Variants in DGLUCY observed in about 807,000 individuals in gnomAD.
The protein encoded by DGLUCY is D-glutamate cyclase, also known as D-glutamate cyclase, mitochondrial.
A neutral mutation model predicts 58.5 loss-of-function variants in DGLUCY; 58 were observed. The observed-to-expected ratio is 0.99, with a 90% CI of 0.80 to 1.23. The LOEUF (loss-of-function observed/expected upper bound fraction) is 1.23, where lower values mean the gene tolerates loss of function less well. Ranked by LOEUF, DGLUCY falls within the 50% of genes most tolerant of loss-of-function variation. The pLI, the probability that DGLUCY is intolerant of heterozygous loss-of-function variation, is 0.00. For missense variants in DGLUCY, 779 were observed against 784.7 expected (o/e 0.99, Z 0.09); for synonymous variants, 325 against 314.1 (o/e 1.03, Z -0.37).
chr14:91,119,734 G>A (rs1265170310), intron 1 of DGLUCY, among the ~76,000 whole-genome samples: 3 of 152,144 alleles, frequency 2.0e-5, no homozygotes, highest in African/African-American at 7.2e-5. Flanking sequence ...TTGAGTCAGT[G>A]AACTGGGAGA....
chr14:91,193,236 A>ACG (rs1412942305), intron 9 of DGLUCY, among the ~76,000 whole-genome samples: 1 of 152,168 alleles, frequency 6.6e-6, no homozygotes. Flanking sequence ...AGGGCTGCCG[A>ACG]CGGCGTAGAG....
intron 1 of DGLUCY, among the ~76,000 whole-genome samples, chr14:91,127,676 G>T (rs1031913509): frequency 1.3e-5 from 2 of 152,216 alleles, no homozygotes; most frequent in East Asian, 1.9e-4. Context: ...ACACTGTGTC[G>T]TCCTTCTCCC....
chr14:91,104,990 T>C (rs186634685), upstream of DGLUCY, among the ~76,000 whole-genome samples: 4 of 152,214 alleles, frequency 2.6e-5, no homozygotes, highest in Non-Finnish European at 5.9e-5. Flanking sequence ...ATATTAGCTG[T>C]TATTTTTATT....
chr14:91,223,952 G>A (rs1887864091), intron 13 of DGLUCY, among the ~76,000 whole-genome samples: 1 of 152,174 alleles, frequency 6.6e-6, no homozygotes, highest in South Asian at 2.1e-4. Context: ...AAACCACTCT[G>A]CCTGCTAGGC....
At chr14:91,132,029 G>A (rs985014793) in intron 1 of DGLUCY, among the ~76,000 whole-genome samples, 1 of 152,164 alleles carries the variant, frequency 6.6e-6, no homozygotes, top group Admixed American at 6.6e-5. Context: ...CTGACCTCAG[G>A]TGATCTGCCC....
intron 12 of DGLUCY, among the ~76,000 whole-genome samples, chr14:91,209,306 A>C (rs558866467): frequency 8.5e-4 from 130 of 152,294 alleles, no homozygotes; most frequent in African/African-American, 2.9e-3. Context: ...AAAACAAAAA[A>C]ATGGAATAAA....
intron 1 of DGLUCY, among the ~76,000 whole-genome samples, chr14:91,066,283 C>T (rs1164569302): frequency 1.3e-5 from 2 of 148,970 alleles, no homozygotes; most frequent in Non-Finnish European, 3.0e-5. Flanking sequence ...GAGGCTGAGG[C>T]AGGAGAATCA....
chr14:91,137,572 A>AT (rs2046415617), intron 1 of DGLUCY, among the ~76,000 whole-genome samples: 4 of 113,872 alleles, frequency 3.5e-5, no homozygotes, highest in Middle Eastern at 5.2e-3. Flanking sequence ...TTTTTTTTGT[A>AT]TTTTAGTACA....
In DGLUCY at chr14:91,157,485, A is replaced by G. The variant is rs985354526; in HGVS notation, c.-81-154A>G. 2.0e-5 allele frequency among the ~76,000 whole-genome samples: 3 copies of G among 152,210 alleles called. No individual in the cohort carries two copies. The East Asian group carries it at 5.8e-4, about 29-fold the overall frequency. ...CAATGCCTTTTTTGTGTGTGGGACT[A>G]TAGTGACAAACTAACAGATGATGTA... On this transcript the variant is annotated intron_variant, in intron 1 of 13. Transcript: ENST00000256324.
At chr14:91,209,552 C>A (rs1885332461) in intron 12 of DGLUCY, among the ~76,000 whole-genome samples, 2 of 151,748 alleles carry the variant, frequency 1.3e-5, no homozygotes, top group South Asian at 2.1e-4. Flanking sequence ...TACTAAAAAT[C>A]AAAAAATTAG....
chr14:91,134,433 T>C (rs987803442), intron 1 of DGLUCY, among the ~76,000 whole-genome samples: 11 of 152,162 alleles, frequency 7.2e-5, no homozygotes, highest in African/African-American at 2.6e-4. Flanking sequence ...CATTCAAAAT[T>C]ACATTTCTTT....
At chr14:91,097,751 G>A (rs1313407419) in intron 1 of DGLUCY, among the ~76,000 whole-genome samples, 1 of 150,232 alleles carries the variant, frequency 6.7e-6, no homozygotes, top group Non-Finnish European at 1.5e-5. Context: ...TTGGCTCACT[G>A]CAACCTCCAT....
intron 1 of DGLUCY, among the ~76,000 whole-genome samples, chr14:91,141,826 C>G (rs1477180802): frequency 1.3e-5 from 2 of 151,170 alleles, no homozygotes; most frequent in Non-Finnish European, 2.9e-5. Flanking sequence ...ACGGGGATTA[C>G]AGGCGTGAGT....
At chr14:91,095,153 C>G (rs1207087545) in intron 1 of DGLUCY, among the ~76,000 whole-genome samples, 1 of 152,158 alleles carries the variant, frequency 6.6e-6, no homozygotes, top group East Asian at 1.9e-4. Flanking sequence ...ACTTGCTTTT[C>G]TTCTTAGCAG....
At chr14:91,223,727 T>G in intron 13 of DGLUCY, 1 of 1,285,242 alleles carries the variant, frequency 7.8e-7, no homozygotes, top group South Asian at 1.2e-5. Flanking sequence ...GACCTAGCCC[T>G]GCCAATAAAA....
At chr14:91,168,562 C>T (rs1051681502) in intron 4 of DGLUCY, among the ~76,000 whole-genome samples, 1 of 152,220 alleles carries the variant, frequency 6.6e-6, no homozygotes, top group African/African-American at 2.4e-5. Context: ...GCCCATCCCC[C>T]AGTGGGCTTT....
At chr14:91,203,118 T>C (rs2050674561) in intron 11 of DGLUCY, among the ~76,000 whole-genome samples, 1 of 152,128 alleles carries the variant, frequency 6.6e-6, no homozygotes, top group African/African-American at 2.4e-5. Context: ...ATGATACCCA[T>C]GACAGGATGG....
At chr14:91,126,133 G>A (rs901423706) in intron 1 of DGLUCY, among the ~76,000 whole-genome samples, 3 of 152,092 alleles carry the variant, frequency 2.0e-5, no homozygotes, top group Non-Finnish European at 4.4e-5. Flanking sequence ...TGGTTTCTTA[G>A]GGCTGCCACA....
chr14:91,191,418 C>T (rs965857835), intron 9 of DGLUCY, among the ~76,000 whole-genome samples: 3 of 152,080 alleles, frequency 2.0e-5, no homozygotes, highest in Non-Finnish European at 4.4e-5. Context: ...TGCTACTGAA[C>T]GATACACTTG....
Sources: allele counts gnomAD v4.1 joint callset (sites outside exome capture counted in the v4.1 genomes callset), GRCh38; gene constraint gnomAD v4.1.1; transcripts MANE v1.5; gene names NCBI Gene and HGNC (gene_info 2026-07-23, HGNC 2026-07-21).